Variants in CERS3 observed in about 807,000 individuals in gnomAD.
CERS3 encodes the protein ceramide synthase 3.
A neutral mutation model predicts 50.3 loss-of-function variants in CERS3; 33 were observed. That is an observed-to-expected ratio of 0.66 (90% CI 0.50 to 0.88). The LOEUF (loss-of-function observed/expected upper bound fraction) is 0.88, where lower values mean the gene tolerates loss of function less well. CERS3 is among the 40% of genes least tolerant of loss of function. CERS3 has a pLI of 0.00. For synonymous variants in CERS3, 176 were observed against 155.2 expected, an observed-to-expected ratio of 1.13 and a Z score of -0.99; for missense variants, 470 against 460.3, an observed-to-expected ratio of 1.02 and a Z score of -0.19.
intron 11 of CERS3, among the ~76,000 whole-genome samples, chr15:100,415,595 G>A (rs1034539187): frequency 6.6e-6 from 1 of 152,162 alleles, no homozygotes; most frequent in Non-Finnish European, 1.5e-5. Flanking sequence ...CATACACCAT[G>A]GAATACTATG....
intron 11 of CERS3, among the ~76,000 whole-genome samples, chr15:100,414,159 T>C (rs1027448937): frequency 6.6e-6 from 1 of 152,162 alleles, no homozygotes; most frequent in Non-Finnish European, 1.5e-5. Context: ...AGCCAAATCA[T>C]GAATGAACTG....
intron 1 of CERS3, among the ~76,000 whole-genome samples, chr15:100,541,763 T>C (rs559726742): frequency 6.6e-6 from 1 of 152,140 alleles, no homozygotes; most frequent in African/African-American, 2.4e-5. Context: ...AAAATTAAAT[T>C]TACTAAAAAG....
chr15:100,535,785 T>C (rs1321946217), intron 1 of CERS3, among the ~76,000 whole-genome samples: 8 of 129,256 alleles, frequency 6.2e-5, no homozygotes, highest in Admixed American at 8.3e-5. Context: ...GCACGGGAAG[T>C]GGGGACATCC....
Position 100,402,678 on chromosome 15 carries a change from G to T in CERS3, c.*35C>A. On this transcript the variant is annotated 3_prime_UTR_variant, in exon 12 of 12. Coordinates refer to ENST00000679737, the MANE Select transcript of CERS3 (RefSeq NM_001378789.1). ...AGCCAGGCTGCCAACAGTACTTGCA[G>T]CATGCTGTGCCATGGGAGTCCTGTA... 2 of 1,604,222 alleles carry T rather than the reference G, an allele frequency of 1.2e-6. No individual in the cohort carries two copies. Among genetic ancestry groups the T allele is most frequent in the South Asian group, 2.2e-5 (2 of 89,884 alleles).
At chr15:100,503,223 A>T (rs2036064413) in intron 2 of CERS3, among the ~76,000 whole-genome samples, 1 of 152,220 alleles carries the variant, frequency 6.6e-6, no homozygotes, top group Non-Finnish European at 1.5e-5. Context: ...AGGCGCACAT[A>T]GAAAACTACC....
chr15:100,417,874 T>C (rs2032079067), intron 11 of CERS3, among the ~76,000 whole-genome samples: 1 of 152,040 alleles, frequency 6.6e-6, no homozygotes, highest in East Asian at 1.9e-4. Context: ...GAGGGTCCTC[T>C]CTGTTAGAAG....
chr15:100,433,151 G>A (rs969267596), intron 11 of CERS3, among the ~76,000 whole-genome samples: 3 of 151,574 alleles, frequency 2.0e-5, no homozygotes, highest in East Asian at 1.9e-4. Flanking sequence ...CAGGAGAATC[G>A]CTTGAACCCA....
chr15:100,420,146 G>GT (rs1195509416), intron 11 of CERS3, among the ~76,000 whole-genome samples: 3 of 148,384 alleles, frequency 2.0e-5, no homozygotes, highest in East Asian at 3.9e-4. Context: ...CCAGGAGCTG[G>GT]TTTTTTGAAA....
At chr15:100,405,191 T>A (rs1161532669) in intron 11 of CERS3, among the ~76,000 whole-genome samples, 3 of 142,996 alleles carry the variant, frequency 2.1e-5, no homozygotes, top group African/African-American at 8.0e-5. Flanking sequence ...AAATCACATA[T>A]CCAATTTGTA....
intron 1 of CERS3, among the ~76,000 whole-genome samples, chr15:100,542,617 T>G (rs72761221): frequency 6.6e-6 from 1 of 152,320 alleles, no homozygotes; most frequent in Non-Finnish European, 1.5e-5. Context: ...TCTTCTATAG[T>G]TCCAATTGTG....
At chr15:100,520,421 C>T (rs1052064515) in intron 2 of CERS3, among the ~76,000 whole-genome samples, 11 of 152,206 alleles carry the variant, frequency 7.2e-5, no homozygotes, top group African/African-American at 2.2e-4. Flanking sequence ...AAGATCTGTT[C>T]GGGCTGTGTA....
At chr15:100,526,169 C>A (rs1030122080) in intron 1 of CERS3, among the ~76,000 whole-genome samples, 3 of 152,218 alleles carry the variant, frequency 2.0e-5, no homozygotes, top group African/African-American at 7.2e-5. Context: ...AACTTGACTG[C>A]AGGCTTTTTG....
chr15:100,519,334 G>A (rs547704879), intron 2 of CERS3, among the ~76,000 whole-genome samples: 44 of 152,226 alleles, frequency 2.9e-4, no homozygotes, highest in African/African-American at 6.5e-4. Flanking sequence ...CAGCAGCTCT[G>A]GGTGCTGTGT....
chr15:100,442,874 A>G (rs370004051), intron 11 of CERS3, among the ~76,000 whole-genome samples: 3 of 149,066 alleles, frequency 2.0e-5, no homozygotes, highest in South Asian at 2.1e-4. Flanking sequence ...TACGGAGGCT[A>G]CCCACTCCAC....
rs191162500 is a variant in CERS3, at chr15:100,438,339, C to T, written c.999+17554G>A. On this transcript the variant is annotated intron_variant, in intron 11 of 11. Transcript: ENST00000679737. The stretch of plus-strand genomic sequence containing the variant: ...GGATTCCAGTCATAAGCCACTGTGC[C>T]CGGCCTGTATTCACTATTTATTTTT... Among the ~76,000 whole-genome samples the T allele has an allele frequency of 4.5e-3, 680 of 152,142 alleles. 5 individuals are homozygous for T. Among genetic ancestry groups the T allele is most frequent in the African/African-American group, 0.015 (621 of 41,514 alleles).
chr15:100,508,334 A>G (rs996788973), intron 2 of CERS3, among the ~76,000 whole-genome samples: 6 of 152,140 alleles, frequency 3.9e-5, no homozygotes, highest in African/African-American at 1.4e-4. Flanking sequence ...TTTTCCGTGT[A>G]AAGGAGGCTG....
intron 2 of CERS3, among the ~76,000 whole-genome samples, chr15:100,518,903 C>T (rs1244018097): frequency 6.6e-6 from 1 of 152,138 alleles, no homozygotes; most frequent in East Asian, 1.9e-4. Context: ...GTGGCTCATG[C>T]CTGTAATCCC....
At chr15:100,496,062 A>T (rs2035804243) in intron 3 of CERS3, among the ~76,000 whole-genome samples, 1 of 152,186 alleles carries the variant, frequency 6.6e-6, no homozygotes, top group African/African-American at 2.4e-5. Context: ...ACAGAGCTGA[A>T]TGTTTCTGAG....
At chr15:100,467,660 T>C (rs569715516) in intron 10 of CERS3, among the ~76,000 whole-genome samples, 60 of 151,540 alleles carry the variant, frequency 4.0e-4, no homozygotes, top group Non-Finnish European at 7.4e-4. Flanking sequence ...AAATGCTGGA[T>C]TGATAGTGTC....
Sources: gnomAD v4.1 joint callset for allele counts (sites outside exome capture counted in the v4.1 genomes callset) on GRCh38, gnomAD v4.1.1 for gene constraint, MANE v1.5 for transcripts, NCBI Gene and HGNC (gene_info 2026-07-23, HGNC 2026-07-21) for gene names.